C1GALT1: variants seen among roughly 807,000 people sequenced by gnomAD.
C1GALT1 encodes the protein core 1 synthase, glycoprotein-N-acetylgalactosamine 3-beta-galactosyltransferase 1.
In C1GALT1, 11 loss-of-function variants were observed where a neutral mutation model predicts 31.0. The observed-to-expected ratio is 0.36, with a 90% CI of 0.22 to 0.59. C1GALT1 has a LOEUF of 0.59. Among genes scored for constraint, C1GALT1 ranks in the 20% least tolerant of loss-of-function variants. C1GALT1 has a pLI of 0.79. For synonymous variants in C1GALT1, 175 were observed against 143.6 expected (o/e 1.22, Z -1.56); for missense variants, 424 against 425.2 (o/e 1.00, Z 0.03).
At chr7:7,240,794 G>A (rs1033598287) in intron 3 of C1GALT1, among the ~76,000 whole-genome samples, 5 of 152,146 alleles carry the variant, frequency 3.3e-5, no homozygotes, top group South Asian at 2.1e-4. Context: ...TAAACCCAAC[G>A]TGAAACTAAA....
intron 1 of C1GALT1, among the ~76,000 whole-genome samples, chr7:7,229,288 G>C (rs560698632): frequency 7.9e-5 from 12 of 152,296 alleles, no homozygotes; most frequent in African/African-American, 2.6e-4. Context: ...GGAAAACCAA[G>C]ATCAGTGTGC....
chr7:7,218,225 A>G (rs1782340290), intron 1 of C1GALT1, among the ~76,000 whole-genome samples: 1 of 152,222 alleles, frequency 6.6e-6, no homozygotes, highest in Non-Finnish European at 1.5e-5. Flanking sequence ...AGTCATCTGT[A>G]TAAAAGGCCA....
At chr7:7,203,653 GTTTT>G (rs976735241) in intron 1 of C1GALT1, among the ~76,000 whole-genome samples, 1 of 147,932 alleles carries the variant, frequency 6.8e-6, no homozygotes, top group Non-Finnish European at 1.5e-5. Flanking sequence ...TTGGTTTGTA[GTTTT>G]TTTTTTCTCT....
intron 2 of C1GALT1, among the ~76,000 whole-genome samples, chr7:7,176,193 G>A (rs938322334): frequency 1.3e-5 from 2 of 152,082 alleles, no homozygotes; most frequent in African/African-American, 4.8e-5. Flanking sequence ...GAAAAAGGTC[G>A]AGGAAGGAGA....
chr7:7,227,859 G>A (rs1251814387), intron 1 of C1GALT1, among the ~76,000 whole-genome samples: 4 of 152,150 alleles, frequency 2.6e-5, no homozygotes, highest in Non-Finnish European at 4.4e-5. Flanking sequence ...CTTACCAGAT[G>A]TGCCCCCTTT....
intron 3 of C1GALT1, among the ~76,000 whole-genome samples, chr7:7,241,664 C>G (rs964748306): frequency 6.6e-6 from 1 of 151,890 alleles, no homozygotes; most frequent in African/African-American, 2.4e-5. Flanking sequence ...TAACTTTTTA[C>G]TGATATATAT....
At chr7:7,232,882 T>C (rs1383235597) in intron 1 of C1GALT1, among the ~76,000 whole-genome samples, 1 of 152,226 alleles carries the variant, frequency 6.6e-6, no homozygotes. Flanking sequence ...TGTTTAAAAT[T>C]ACCTTTTTAA....
intron 1 of C1GALT1, among the ~76,000 whole-genome samples, chr7:7,185,657 G>C (rs10252611): frequency 0.09 from 13,676 of 152,192 alleles, 762 homozygotes; most frequent in East Asian, 0.16. Context: ...TCCACTTCTT[G>C]CAAGGATACT....
chr7:7,234,366 C>T lies in C1GALT1; in HGVS notation c.47C>T (p.Ser16Leu), dbSNP rs768425996. Residue 16 changes from serine to leucine, a missense_variant, in exon 2 of 4, where the codon TCA becomes TTA. Ser to Leu is a moderately radical substitution (Grantham distance 145, BLOSUM62 -2). Around this residue, in one of 3 missense-constraint regions of C1GALT1, gnomAD observed 189 missense variants for 158.2 expected, o/e 1.19. Transcript: ENST00000436587. ...WLNFLTFLCG[S>L]AIGFLLCSQL... ...AATTTTTTAACCTTCCTCTGTGGATCAGCAATAGGATTTCTTTTATGTTCT... is the reference window on the plus strand; with the variant it reads ...AATTTTTTAACCTTCCTCTGTGGATTAGCAATAGGATTTCTTTTATGTTCT... 7 of 1,613,960 alleles carry T rather than the reference C, an allele frequency of 4.3e-6. No individual in the cohort carries two copies. In the South Asian group the frequency reaches 5.5e-5, roughly 13 times the overall value.
chr7:7,234,234 C>T, intron 1 of C1GALT1, 69 bp from the exon 2 acceptor site: 1 of 1,163,106 alleles, frequency 8.6e-7, no homozygotes, highest in Non-Finnish European at 1.2e-6. Context: ...TAAATGTTAC[C>T]AGAATTTTTA....
chr7:7,235,073 T>A (rs1783274140), intron 2 of C1GALT1: 1 of 152,428 alleles, frequency 6.6e-6, no homozygotes, highest in African/African-American at 2.4e-5. Context: ...CTCAGTTGAG[T>A]TATTTATGTG....
At chr7:7,189,443 C>T (rs932191043) in intron 1 of C1GALT1, among the ~76,000 whole-genome samples, 1 of 152,106 alleles carries the variant, frequency 6.6e-6, no homozygotes, top group Non-Finnish European at 1.5e-5. Flanking sequence ...TGTTAATAAA[C>T]TTTAAAAGTT....
At position 7,234,437 on chromosome 7, in the gene C1GALT1, A is replaced by G. The variant is rs1161294906; in HGVS notation, c.118A>G (p.Asn40Asp). 3.1e-6 allele frequency: 5 copies of G among 1,613,820 alleles called. No homozygotes were observed. The highest frequency in any genetic ancestry group is 3.3e-4 in the Middle Eastern group (2 of 6,080). Reference protein sequence around the residue: ...LLGEKVDTQPNVLHNDPHARH... With the variant: ...LLGEKVDTQPDVLHNDPHARH... ...GGGAGAAAAGGTTGACACCCAGCCTAATGTTCTTCATAATGATCCTCATGC... is the reference window on the plus strand; with the variant it reads ...GGGAGAAAAGGTTGACACCCAGCCTGATGTTCTTCATAATGATCCTCATGC... Residue 40 changes from asparagine to aspartate, a missense_variant, in exon 2 of 4, where the codon AAT becomes GAT. Asn to Asp is a conservative substitution (Grantham distance 23). Around this residue, in one of 3 missense-constraint regions of C1GALT1, gnomAD observed 189 missense variants for 158.2 expected, o/e 1.19. Coordinates refer to ENST00000436587, the MANE Select transcript of C1GALT1 (RefSeq NM_020156.5).
At chr7:7,199,999 G>T (rs1236800120) in intron 1 of C1GALT1, among the ~76,000 whole-genome samples, 1 of 152,136 alleles carries the variant, frequency 6.6e-6, no homozygotes, top group African/African-American at 2.4e-5. Context: ...TATCCAGTTT[G>T]CCAGTTTGTG....
intron 1 of C1GALT1, among the ~76,000 whole-genome samples, chr7:7,187,824 A>G (rs1780888471): frequency 6.6e-6 from 1 of 152,206 alleles, no homozygotes; most frequent in Non-Finnish European, 1.5e-5. Flanking sequence ...GCAGACATAA[A>G]TTATAAGGCA....
chr7:7,234,826 T>C, intron 2 of C1GALT1: 1 of 231,212 alleles, frequency 4.3e-6, no homozygotes, highest in Non-Finnish European at 8.4e-6. Flanking sequence ...CTAGGTTCAG[T>C]TTTGTTATAT....
At chr7:7,240,901 A>T (rs542130604) in intron 3 of C1GALT1, among the ~76,000 whole-genome samples, 33 of 152,152 alleles carry the variant, frequency 2.2e-4, no homozygotes, top group African/African-American at 7.9e-4. Flanking sequence ...CTAATTACTG[A>T]AAATACAGAA....
intron 2 of C1GALT1, 179 bp downstream of exon 2, chr7:7,234,718 TTAA>T (rs1229660172): frequency 3.7e-6 from 2 of 536,214 alleles, no homozygotes; most frequent in East Asian, 6.2e-5. Flanking sequence ...GAATAAGATA[TTAA>T]TTTTGAATTC....
At chr7:7,177,089 C>T (rs1161325219) in intron 2 of C1GALT1, among the ~76,000 whole-genome samples, 1 of 152,168 alleles carries the variant, frequency 6.6e-6, no homozygotes, top group African/African-American at 2.4e-5. Context: ...CCAGTAGTTT[C>T]AACTGATTTG....
Sources: gnomAD v4.1 joint callset for allele counts (sites outside exome capture counted in the v4.1 genomes callset) on GRCh38, gnomAD v4.1.1 for gene constraint, gnomAD v4.1.1 regional missense constraint, MANE v1.5 for transcripts, NCBI Gene and HGNC (gene_info 2026-07-23, HGNC 2026-07-21) for gene names.